The following CCDC50 variants were observed in gnomAD, a reference collection of about 807,000 sequenced individuals.
CCDC50 encodes coiled-coil domain containing 50, also known as coiled-coil domain-containing protein 50.
In CCDC50, 54 loss-of-function variants were observed where a neutral mutation model predicts 70.2. The observed-to-expected ratio is 0.77, with a 90% CI of 0.62 to 0.96. The LOEUF (loss-of-function observed/expected upper bound fraction) is 0.96, where lower values mean the gene tolerates loss of function less well. Among genes scored for constraint, CCDC50 ranks in the 50% least tolerant of loss-of-function variants. The pLI, the probability that CCDC50 is intolerant of heterozygous loss-of-function variation, is 0.00. For missense variants in CCDC50, 558 were observed against 578.7 expected, an observed-to-expected ratio of 0.96 and a Z score of 0.37; for synonymous variants, 216 against 198.8, an observed-to-expected ratio of 1.09 and a Z score of -0.73.
chr3:191,333,909 C>CA (rs1458763011), intron 1 of CCDC50, among the ~76,000 whole-genome samples: 1 of 151,916 alleles, frequency 6.6e-6, no homozygotes, highest in African/African-American at 2.4e-5. Context: ...AAATAGAATT[C>CA]ATTCAACATA....
intron 1 of CCDC50, among the ~76,000 whole-genome samples, chr3:191,340,040 T>A (rs1711669356): frequency 6.6e-6 from 1 of 152,240 alleles, no homozygotes; most frequent in African/African-American, 2.4e-5. Context: ...TTTTACATGA[T>A]GTATAATACT....
At chr3:191,338,333 A>G (rs533162210) in intron 1 of CCDC50, among the ~76,000 whole-genome samples, 2 of 152,320 alleles carry the variant, frequency 1.3e-5, no homozygotes, top group Non-Finnish European at 2.9e-5. Flanking sequence ...ACAAGAGTTG[A>G]CAAATACTGT....
chr3:191,378,837 G>C (rs981022535), intron 6 of CCDC50, among the ~76,000 whole-genome samples: 1 of 151,764 alleles, frequency 6.6e-6, no homozygotes, highest in South Asian at 2.1e-4. Flanking sequence ...TTGATTTGAA[G>C]TGATCTGTGC....
intron 10 of CCDC50, among the ~76,000 whole-genome samples, chr3:191,385,125 C>T (rs368665): frequency 0.35 from 53,488 of 152,006 alleles, 11,266 homozygotes; most frequent in Non-Finnish European, 0.49. Context: ...GATGAACATA[C>T]GAGTTCATGT....
At chr3:191,371,138 C>T (rs1712900499) in intron 5 of CCDC50, among the ~76,000 whole-genome samples, 1 of 152,092 alleles carries the variant, frequency 6.6e-6, no homozygotes, top group Non-Finnish European at 1.5e-5. Flanking sequence ...TTTAAGATTT[C>T]CATGTTCATT....
chr3:191,353,633 T>A lies in CCDC50; in HGVS notation c.50-3455T>A, dbSNP rs780258470. Reference sequence around the variant, plus strand: ...TTTACAAAGTTGACTGAATATGTGATTGTTTTCCAGGTTGTGCTAGAATAC... The same window carrying A: ...TTTACAAAGTTGACTGAATATGTGAATGTTTTCCAGGTTGTGCTAGAATAC... On this transcript the variant is annotated intron_variant, in intron 1 of 11. Transcript: ENST00000392455. Among the ~76,000 whole-genome samples, 8 of 142,062 alleles carry A rather than the reference T, an allele frequency of 5.6e-5. 3 individuals are homozygous for A. Among genetic ancestry groups the A allele is most frequent in the Non-Finnish European group, 7.9e-5 (5 of 62,998 alleles). The allele number at this position is 142,062 out of a possible 152,430, so 93.2% of individuals were successfully genotyped here.
At position 191,375,457 on chromosome 3, in the gene CCDC50, A is replaced by G; in HGVS notation, c.844A>G (p.Lys282Glu). 1 of 1,613,804 alleles carries G rather than the reference A, an allele frequency of 6.2e-7. No individual in the cohort carries two copies. Reference protein sequence around the residue: ...QDRLSPKSSQKAGLHCKEVVY... With the variant: ...QDRLSPKSSQEAGLHCKEVVY... ...TCGACTTTCACCCAAGTCCTCACAA[A>G]AAGCAGGGCTTCACTGCAAGGAAGT... Residue 282 changes from lysine (K) to glutamate (E), a missense_variant, in exon 6 of 12, where the codon AAA (lysine) becomes GAA (glutamate). Transcript: ENST00000392455.
At chr3:191,378,575 A>G (rs928231816) in intron 6 of CCDC50, among the ~76,000 whole-genome samples, 1 of 152,124 alleles carries the variant, frequency 6.6e-6, no homozygotes, top group African/African-American at 2.4e-5. Context: ...CATGGTTTAT[A>G]TAGCAGACTA....
intron 3 of CCDC50, 111 bp from the exon 4 acceptor site, chr3:191,360,958 A>G: frequency 1.3e-6 from 1 of 766,136 alleles, no homozygotes; most frequent in South Asian, 1.5e-5. Flanking sequence ...ATAAAGTGAG[A>G]AAAATAATGT....
rs1032129051 is a variant in CCDC50, at chr3:191,375,330, C to G, written c.717C>G (p.Pro239=). ...TQERPRRPLL[P]TISGEVFLST... ...AGAGGCCTCGGAGACCTCTGCTTCC[C>G]ACGATCAGTGGTGAAGTGTTTCTGA... is the stretch of plus-strand genomic sequence containing the variant. The change falls in exon 6 of 12, where the codon CCC becomes CCG. Residue 239 remains proline, a synonymous_variant. Coordinates refer to ENST00000392455, the MANE Select transcript of CCDC50 (RefSeq NM_178335.3). The G allele has an allele frequency of 6.2e-7, 1 of 1,613,588 alleles. No homozygotes were observed. The highest frequency in any genetic ancestry group is 1.3e-5 in the African/African-American group (1 of 74,920).
At chr3:191,353,860 A>G (rs879418800) in intron 1 of CCDC50, among the ~76,000 whole-genome samples, 5 of 98,310 alleles carry the variant, frequency 5.1e-5, no homozygotes, top group Non-Finnish European at 1.3e-4. Flanking sequence ...AATCATTGAA[A>G]ATCTTCCAGA....
At chr3:191,367,883 T>C (rs1712752060) in intron 4 of CCDC50, among the ~76,000 whole-genome samples, 1 of 152,088 alleles carries the variant, frequency 6.6e-6, no homozygotes, top group South Asian at 2.1e-4. Flanking sequence ...GGAAAATTCT[T>C]CTGTAACAAA....
chr3:191,336,574 A>G (rs541144955), intron 1 of CCDC50, among the ~76,000 whole-genome samples: 1 of 152,272 alleles, frequency 6.6e-6, no homozygotes, highest in East Asian at 1.9e-4. Flanking sequence ...TTCTTACTAG[A>G]TACACAGTTT....
In CCDC50 at chr3:191,375,150, C is replaced by A; in HGVS notation, c.537C>A (p.His179Gln). The change falls in exon 6 of 12, where the codon CAC (histidine) becomes CAA (glutamine). Residue 179 changes from histidine to glutamine, a missense_variant. By Grantham distance (24) the His-to-Gln change is conservative (BLOSUM62 0). Coordinates refer to ENST00000392455, the MANE Select transcript of CCDC50 (RefSeq NM_178335.3). ...RLQRDGKTVK[H>Q]KKEKPEHPLE... ...AAAGAGATGGAAAGACTGTGAAGCACAAGAAAGAGAAACCAGAACATCCAC... is the reference window on the plus strand; with the variant it reads ...AAAGAGATGGAAAGACTGTGAAGCAAAAGAAAGAGAAACCAGAACATCCAC... 1 of 1,613,650 alleles carries A rather than the reference C, an allele frequency of 6.2e-7. No homozygotes were observed. The highest frequency in any genetic ancestry group is 1.1e-5 in the South Asian group (1 of 91,064).
chr3:191,361,134 G>T lies in CCDC50; in HGVS notation c.305G>T (p.Arg102Leu). 1 of 1,613,452 alleles carries T rather than the reference G, an allele frequency of 6.2e-7. No homozygotes were observed. Among genetic ancestry groups the T allele is most frequent in the South Asian group, 1.1e-5 (1 of 91,044 alleles). The part of the protein sequence containing the change: ...QEKLAIEAER[R>L]RIQEKKDEDI... Reference sequence around the variant, plus strand: ...AAGCTGGCTATTGAGGCAGAGAGACGACGCATTCAGGAGAAGAAGGATGAG... The same window carrying T: ...AAGCTGGCTATTGAGGCAGAGAGACTACGCATTCAGGAGAAGAAGGATGAG... The change falls in exon 4 of 12, where the codon CGA becomes CTA. Residue 102 changes from arginine (R) to leucine (L), a missense_variant. Arg to Leu is a moderately radical substitution (Grantham distance 102, BLOSUM62 -2). Coordinates refer to ENST00000392455, the MANE Select transcript of CCDC50 (RefSeq NM_178335.3).
intron 1 of CCDC50, among the ~76,000 whole-genome samples, chr3:191,343,470 A>T (rs1323362528): frequency 1.3e-5 from 2 of 152,232 alleles, no homozygotes; most frequent in Admixed American, 6.5e-5. Context: ...ATTTTAAGTT[A>T]TCTCTTTATG....
At chr3:191,379,022 T>C (rs573802228) in intron 6 of CCDC50, among the ~76,000 whole-genome samples, 1 of 152,138 alleles carries the variant, frequency 6.6e-6, no homozygotes, top group Admixed American at 6.6e-5. Context: ...CAGTGTTTAC[T>C]TGTATTTTAT....
At chr3:191,345,763 AC>A (rs145093554) in intron 1 of CCDC50, among the ~76,000 whole-genome samples, 2,610 of 152,278 alleles carry the variant, frequency 0.017, 79 homozygotes, top group African/African-American at 0.06. Context: ...TCAGGAACAT[AC>A]TTTGATAAAT....
intron 1 of CCDC50, among the ~76,000 whole-genome samples, chr3:191,337,053 A>G (rs886544013): frequency 3.3e-5 from 5 of 151,262 alleles, no homozygotes; most frequent in Admixed American, 3.3e-4. Context: ...AGCCATACTT[A>G]TTCATTTACA....
Sources: allele counts gnomAD v4.1 joint callset (sites outside exome capture counted in the v4.1 genomes callset), GRCh38; gene constraint gnomAD v4.1.1; transcripts MANE v1.5; gene names NCBI Gene and HGNC (gene_info 2026-07-23, HGNC 2026-07-21).